The following CDH23 variants were observed in gnomAD, a reference collection of about 807,000 sequenced individuals.
The protein encoded by CDH23 is cadherin-23.
A neutral mutation model predicts 317.1 loss-of-function variants in CDH23; 189 were observed. The observed-to-expected ratio is 0.60, with a 90% CI of 0.53 to 0.67. The LOEUF (loss-of-function observed/expected upper bound fraction) is 0.67. Among genes scored for constraint, CDH23 ranks in the 30% least tolerant of loss-of-function variants. The pLI, the probability that CDH23 is intolerant of heterozygous loss-of-function variation, is 0.00. For missense variants in CDH23, 4,401 were observed against 4,592.4 expected, an observed-to-expected ratio of 0.96 and a Z score of 1.20; for synonymous variants, 1,839 against 1,876.8, an observed-to-expected ratio of 0.98 and a Z score of 0.52.
chr10:71,639,820 A>C (rs1862453612), intron 11 of CDH23, among the ~76,000 whole-genome samples: 1 of 152,180 alleles, frequency 6.6e-6, no homozygotes, highest in East Asian at 1.9e-4. Context: ...TTTTGCACCA[A>C]CTTAGCAAAC....
intron 11 of CDH23, among the ~76,000 whole-genome samples, chr10:71,627,748 C>T (rs1861811982): frequency 6.6e-6 from 1 of 152,180 alleles, no homozygotes; most frequent in Non-Finnish European, 1.5e-5. Flanking sequence ...CAGGCTCCTT[C>T]CCCACACCCA....
At chr10:71,809,524 A>G (rs1447578980) in intron 60 of CDH23, among the ~76,000 whole-genome samples, 2 of 152,142 alleles carry the variant, frequency 1.3e-5, no homozygotes, top group African/African-American at 2.4e-5. Context: ...AGAGAGGAGA[A>G]ACAGACAGAC....
At chr10:71,522,208 G>A (rs1366032323) in intron 6 of CDH23, among the ~76,000 whole-genome samples, 1 of 151,802 alleles carries the variant, frequency 6.6e-6, no homozygotes, top group African/African-American at 2.4e-5. Flanking sequence ...TAAATATTCA[G>A]CTTTATGAGT....
chr10:71,813,924 G>A (rs965324628), intron 69 of CDH23, among the ~76,000 whole-genome samples: 45 of 152,098 alleles, frequency 3.0e-4, no homozygotes, highest in Admixed American at 2.1e-3. Flanking sequence ...GGAAAGAAAA[G>A]AAACTGGCCG....
intron 6 of CDH23, among the ~76,000 whole-genome samples, chr10:71,539,847 C>T (rs776379724): frequency 3.3e-5 from 5 of 152,072 alleles, no homozygotes; most frequent in Non-Finnish European, 7.4e-5. Flanking sequence ...CTTTCTCCCT[C>T]TCCTGCTTGC....
At chr10:71,760,729 G>T in intron 38 of CDH23, 1 of 760,872 alleles carries the variant, frequency 1.3e-6, no homozygotes, top group Non-Finnish European at 2.3e-6. Flanking sequence ...GAAGGGATGT[G>T]CAGCAGCAGA....
chr10:71,815,116 C>G lies in CDH23; in HGVS notation c.9903C>G (p.Pro3301=), dbSNP rs55717455. ...TLLATDLNSL[P]EEDQKGLGRS... ...TGGCCACCGACCTCAACAGCCTGCC[C>G]GAGGAAGACCAGAAGGGCCTGGGCC... Residue 3301 remains proline (P), a synonymous_variant, in exon 70 of 70, where the codon CCC becomes CCG. Coordinates refer to ENST00000224721, the MANE Select transcript of CDH23 (RefSeq NM_022124.6). 1.9e-6 allele frequency: 3 copies of G among 1,611,154 alleles called. No individual in the cohort carries two copies. Among genetic ancestry groups the G allele is most frequent in the Non-Finnish European group, 2.5e-6 (3 of 1,179,080 alleles).
At chr10:71,722,788 G>A (rs1866618628) in intron 28 of CDH23, among the ~76,000 whole-genome samples, 1 of 152,194 alleles carries the variant, frequency 6.6e-6, no homozygotes, top group Non-Finnish European at 1.5e-5. Flanking sequence ...GAAACAGCCA[G>A]GGCAGAAGCC....
chr10:71,675,305 C>G, intron 15 of CDH23, 129 bp downstream of exon 15: 6 of 753,272 alleles, frequency 8.0e-6, no homozygotes, highest in Non-Finnish European at 8.9e-6. Context: ...GAGCACTGGA[C>G]TGGAAGTTGG....
chr10:71,566,811 G>A lies in CDH23; in HGVS notation c.499G>A (p.Val167Ile), dbSNP rs772995621. The A allele has an allele frequency of 2.8e-5, 45 of 1,613,746 alleles. No individual in the cohort carries two copies. The highest frequency in any genetic ancestry group is 1.3e-4 in the African/African-American group (10 of 74,932). ...TDPDLGAGGSVLYSFQPPSQF... is the reference protein window; with the variant it reads ...TDPDLGAGGSILYSFQPPSQF... Reference sequence around the variant, plus strand: ...CCCCGACTTGGGGGCAGGGGGCAGCGTCCTCTACTCCTTCCAGCCCCCCTC... The same window carrying A: ...CCCCGACTTGGGGGCAGGGGGCAGCATCCTCTACTCCTTCCAGCCCCCCTC... Residue 167 changes from valine to isoleucine, a missense_variant, in exon 7 of 70, where the codon GTC becomes ATC. By Grantham distance (29) the Val-to-Ile change is conservative. Transcript: ENST00000224721.
intron 3 of CDH23, among the ~76,000 whole-genome samples, chr10:71,464,882 C>T (rs1851170464): frequency 6.6e-6 from 1 of 152,178 alleles, no homozygotes. Context: ...TTCTCCTGTC[C>T]TTCTGACTGT....
intron 7 of CDH23, among the ~76,000 whole-genome samples, 171 bp from the exon 8 acceptor site, chr10:71,570,619 T>C (rs1196181719): frequency 2.0e-5 from 3 of 152,224 alleles, no homozygotes; most frequent in African/African-American, 7.2e-5. Context: ...TTAAGCTTCC[T>C]TTTACTAAGC....
chr10:71,419,919 G>A (rs1848676787), intron 1 of CDH23, among the ~76,000 whole-genome samples: 4 of 152,204 alleles, frequency 2.6e-5, no homozygotes, highest in Non-Finnish European at 1.5e-5. Context: ...TGGGGCACCT[G>A]GGACCCAGAT....
intron 3 of CDH23, among the ~76,000 whole-genome samples, chr10:71,491,165 A>G (rs1852637010): frequency 6.6e-6 from 1 of 152,064 alleles, no homozygotes; most frequent in Non-Finnish European, 1.5e-5. Flanking sequence ...ACAGATTGAG[A>G]TTGATTGGTG....
intron 32 of CDH23, 135 bp from the exon 33 acceptor site, chr10:71,734,105 A>C: frequency 1.4e-6 from 1 of 736,896 alleles, no homozygotes; most frequent in South Asian, 1.6e-5. Flanking sequence ...GAGAAGAAGG[A>C]ATTCAACAGA....
chr10:71,566,859 G>A lies in CDH23; in HGVS notation c.547G>A (p.Ala183Thr), dbSNP rs1239470050. Residue 183 changes from alanine to threonine, a missense_variant, in exon 7 of 70, where the codon GCC becomes ACC. By Grantham distance (58) the Ala-to-Thr change is moderately conservative. Around this residue, in one of 3 missense-constraint regions of CDH23, gnomAD observed 3,068 missense variants for 3,203.3 expected, o/e 0.96. Transcript: ENST00000224721. ...CTCCCAATTCTTCGCCATTGACAGC[G>A]CCCGCGGTATCGTCACAGTGATCCG... ...PPSQFFAIDS[A>T]RGIVTVIREL... 7 of 1,613,850 alleles carry A rather than the reference G, an allele frequency of 4.3e-6. No individual in the cohort carries two copies. The highest frequency in any genetic ancestry group is 1.6e-4 in the Middle Eastern group (1 of 6,062).
chr10:71,625,653 G>A (rs1189406683), intron 11 of CDH23, among the ~76,000 whole-genome samples: 1 of 152,122 alleles, frequency 6.6e-6, no homozygotes, highest in African/African-American at 2.4e-5. Context: ...GTCCTGTTAG[G>A]CAGTTTGTCT....
At chr10:71,691,068 C>T (rs1483667698) in intron 20 of CDH23, among the ~76,000 whole-genome samples, 2 of 152,136 alleles carry the variant, frequency 1.3e-5, no homozygotes, top group African/African-American at 2.4e-5. Flanking sequence ...CCCTGGCACA[C>T]GAAAAGTGCT....
intron 11 of CDH23, among the ~76,000 whole-genome samples, chr10:71,619,010 T>C (rs1809157351): frequency 6.6e-6 from 1 of 152,204 alleles, no homozygotes; most frequent in African/African-American, 2.4e-5. Context: ...GTCAACAGTG[T>C]GTTGATACAA....
Sources: gnomAD v4.1 joint callset for allele counts (sites outside exome capture counted in the v4.1 genomes callset) on GRCh38, gnomAD v4.1.1 for gene constraint, gnomAD v4.1.1 regional missense constraint, MANE v1.5 for transcripts, NCBI Gene and HGNC (gene_info 2026-07-23, HGNC 2026-07-21) for gene names.